GNB1: variants seen among roughly 807,000 people sequenced by gnomAD.
GNB1 encodes guanine nucleotide-binding protein G(I)/G(S)/G(T) subunit beta-1.
A neutral mutation model predicts 42.9 loss-of-function variants in GNB1; 2 were observed. The observed-to-expected ratio is 0.05, with a 90% CI of 0.02 to 0.15. The LOEUF is 0.15. Among genes scored for constraint, GNB1 ranks in the 10% least tolerant of loss-of-function variants. The probability of loss-of-function intolerance (pLI) is 1.00; values close to 1 mark genes in which losing one functional copy is unlikely to be tolerated. For synonymous variants in GNB1, 183 were observed against 174.7 expected (o/e 1.05, Z -0.38); for missense variants, 193 against 462.2 (o/e 0.42, Z 5.34).
chr1:1,808,277 T>C (rs1369120449), intron 5 of GNB1, among the ~76,000 whole-genome samples: 1 of 152,304 alleles, frequency 6.6e-6, no homozygotes, highest in East Asian at 1.9e-4. Flanking sequence ...CGTTTTGGTA[T>C]TACAAGCGTT....
intron 1 of GNB1, among the ~76,000 whole-genome samples, chr1:1,862,697 C>A (rs1437641152): frequency 6.6e-6 from 1 of 152,072 alleles, no homozygotes; most frequent in African/African-American, 2.4e-5. Context: ...TGGGCTCAAG[C>A]AATCGGCTGC....
At chr1:1,816,046 C>T (rs2100862161) in intron 4 of GNB1, among the ~76,000 whole-genome samples, 184 bp from the exon 5 acceptor site, 1 of 152,300 alleles carries the variant, frequency 6.6e-6, no homozygotes. Context: ...CTTACCAAGT[C>T]TCAGTCTGGC....
chr1:1,812,153 GA>G (rs1444236867), intron 5 of GNB1, among the ~76,000 whole-genome samples: 2 of 152,052 alleles, frequency 1.3e-5, no homozygotes, highest in African/African-American at 4.8e-5. Context: ...ATGAAGGCAG[GA>G]AATATGAAGA....
rs565109686 is a variant in GNB1 at position 1,834,734 on chromosome 1, T to C, written c.-47+4456A>G. Among the ~76,000 whole-genome samples, 124 of 149,666 alleles carry C rather than the reference T, an allele frequency of 8.3e-4. 2 individuals are homozygous for C. The South Asian group carries it at 0.019, about 23-fold the overall frequency. ...CCCAGGCTGGAGTGCAGTGGTGCGA[T>C]CTCGGCTCAGTGCAACCTCCGCCTC... On this transcript the variant is annotated intron_variant, in intron 2 of 11. Coordinates refer to ENST00000378609, the MANE Select transcript of GNB1 (RefSeq NM_002074.5).
chr1:1,790,511 C>G lies in GNB1; in HGVS notation c.583G>C (p.Asp195His), dbSNP rs1390393699. 9 of 1,613,078 alleles carry G rather than the reference C, an allele frequency of 5.6e-6. No individual in the cohort carries two copies. Among genetic ancestry groups the G allele is most frequent in the Non-Finnish European group, 7.6e-6 (9 of 1,179,092 alleles). ...GDVMSLSLAP[D>H]TRLFVSGACD... ...GCACCAGAGACGAACAGTCTGGTGT[C>G]AGGAGCAAGAGAAAGGCTCATGACA... The change falls in exon 9 of 12, where the codon GAC (aspartate) becomes CAC (histidine). Residue 195 changes from aspartate to histidine, a missense_variant. Coordinates refer to ENST00000378609, the MANE Select transcript of GNB1 (RefSeq NM_002074.5). The surrounding 1 kb of genome is among the most constrained non-coding windows in gnomAD (Gnocchi z 5.4).
rs180897632 is a variant in GNB1, at chr1:1,873,688, G to A, written c.-96+17132C>T. ...CACTTCGGGAGGCCGAGGTGGGCGG[G>A]TCACCTGTAATCCCAGCTACTCAGG... On this transcript the variant is annotated intron_variant, in intron 1 of 11. Transcript: ENST00000378609. Among the ~76,000 whole-genome samples the A allele has an allele frequency of 9.2e-5, 14 of 152,140 alleles. No homozygotes were observed. The East Asian group carries it at 2.5e-3, about 27-fold the overall frequency.
intron 5 of GNB1, among the ~76,000 whole-genome samples, chr1:1,813,767 AG>A (rs1646813856): frequency 6.6e-6 from 1 of 152,228 alleles, no homozygotes; most frequent in South Asian, 2.1e-4. Context: ...CTGGGATGAG[AG>A]GCATGAGCCA....
intron 5 of GNB1, among the ~76,000 whole-genome samples, chr1:1,807,252 G>C (rs1452523902): frequency 6.6e-6 from 1 of 151,800 alleles, no homozygotes; most frequent in Admixed American, 6.6e-5. Flanking sequence ...ACAGGAGTTT[G>C]AGACCAGCAT....
At chr1:1,831,120 G>A (rs1449657597) in intron 2 of GNB1, among the ~76,000 whole-genome samples, 17 of 152,120 alleles carry the variant, frequency 1.1e-4, no homozygotes, top group African/African-American at 3.9e-4. Flanking sequence ...AGCAGAGATC[G>A]TGCCACTGCA....
intron 1 of GNB1, among the ~76,000 whole-genome samples, chr1:1,865,601 A>T (rs1435824686): frequency 2.7e-4 from 41 of 152,190 alleles, no homozygotes; most frequent in Admixed American, 2.5e-3. Flanking sequence ...GAACTACCGG[A>T]TTACAGTTAT....
At chr1:1,839,166 G>A (rs1343085096) in intron 2 of GNB1, 24 bp downstream of exon 2, 4 of 152,160 alleles carry the variant, frequency 2.6e-5, no homozygotes, top group Non-Finnish European at 5.9e-5. Flanking sequence ...TAAAACTGAT[G>A]AGGATCAAAT....
rs11260620 is a variant in GNB1, at chr1:1,842,226, T to G, written c.-95-2988A>C. ...CGGGCAGATCACAAGGTCAGCAGAT[T>G]GAGACCATCCTGGCTAACACGGTGA... On this transcript the variant is annotated intron_variant, in intron 1 of 11. Coordinates refer to ENST00000378609, the MANE Select transcript of GNB1 (RefSeq NM_002074.5). 4.8e-4 allele frequency among the ~76,000 whole-genome samples: 73 copies of G among 152,012 alleles called. 1 individual carries two copies. The highest frequency in any genetic ancestry group is 3.4e-3 in the Middle Eastern group (1 of 294).
At chr1:1,859,808 A>AG (rs968962564) in intron 1 of GNB1, among the ~76,000 whole-genome samples, 2 of 151,658 alleles carry the variant, frequency 1.3e-5, no homozygotes, top group African/African-American at 4.8e-5. Context: ...CAGGAGATCG[A>AG]GATCGACCAT....
chr1:1,880,231 C>G (rs777081601), intron 1 of GNB1, among the ~76,000 whole-genome samples: 1 of 152,160 alleles, frequency 6.6e-6, no homozygotes, highest in Admixed American at 6.6e-5. Context: ...CCATGCCCAG[C>G]CAAGAACAGT....
intron 1 of GNB1, among the ~76,000 whole-genome samples, chr1:1,853,031 T>G (rs1648077242): frequency 6.6e-6 from 1 of 151,970 alleles, no homozygotes; most frequent in Admixed American, 6.6e-5. Flanking sequence ...CCCTTTCCTT[T>G]CCAAACCTGC....
intron 1 of GNB1, among the ~76,000 whole-genome samples, chr1:1,854,443 A>T (rs1347783312): frequency 6.6e-6 from 1 of 152,240 alleles, no homozygotes; most frequent in East Asian, 1.9e-4. Context: ...TCCAACTGCT[A>T]TCCTTCTCTT....
At chr1:1,792,652 C>T (rs1009698458) in intron 8 of GNB1, among the ~76,000 whole-genome samples, 5 of 143,312 alleles carry the variant, frequency 3.5e-5, no homozygotes, top group African/African-American at 1.3e-4. Context: ...GAGCCGAGAT[C>T]ACGCCACTCC....
chr1:1,791,296 C>G (rs1232939646), intron 8 of GNB1, among the ~76,000 whole-genome samples: 1 of 151,988 alleles, frequency 6.6e-6, no homozygotes, highest in African/African-American at 2.4e-5. Context: ...CTCAGCCTCT[C>G]CAGTAGCTGG....
chr1:1,838,987 G>T (rs906447084), intron 2 of GNB1, among the ~76,000 whole-genome samples: 5 of 152,158 alleles, frequency 3.3e-5, no homozygotes, highest in Non-Finnish European at 5.9e-5. Context: ...CAGGCATGCT[G>T]GCGTATGTCT....
Sources: allele counts gnomAD v4.1 joint callset (sites outside exome capture counted in the v4.1 genomes callset), GRCh38; gene constraint gnomAD v4.1.1; non-coding constraint Gnocchi (gnomAD v3.1); transcripts MANE v1.5; gene names NCBI Gene and HGNC (gene_info 2026-07-23, HGNC 2026-07-21).